Variants in KCNJ3 observed in about 807,000 individuals in gnomAD.
The protein encoded by KCNJ3 is G protein-activated inward rectifier potassium channel 1.
Under a neutral mutation model 39.2 loss-of-function variants are expected in KCNJ3, and 4 were observed. That is an observed-to-expected ratio of 0.10 (90% CI 0.05 to 0.23). KCNJ3 has a LOEUF of 0.23. KCNJ3 is among the 10% of genes least tolerant of loss of function. The pLI, the probability that KCNJ3 is intolerant of heterozygous loss-of-function variation, is 1.00. For synonymous variants in KCNJ3, 230 were observed against 237.4 expected, an observed-to-expected ratio of 0.97 and a Z score of 0.29; for missense variants, 276 against 634.9, an observed-to-expected ratio of 0.43 and a Z score of 6.08.
At chr2:154,812,959 G>A (rs547113153) in intron 2 of KCNJ3, among the ~76,000 whole-genome samples, 40 of 152,194 alleles carry the variant, frequency 2.6e-4, no homozygotes, top group South Asian at 6.2e-4. Flanking sequence ...ATATGTTAGT[G>A]TTTTACATTT....
In KCNJ3 at chr2:154,856,045, A is replaced by G. The variant is rs542804423; in HGVS notation, c.*732A>G. The stretch of plus-strand genomic sequence containing the variant: ...GTGCTATCTATGGCCCTGCAAAAAT[A>G]TAACCATTACATGTTTAAATTGTAA... On this transcript the variant is annotated 3_prime_UTR_variant, in exon 3 of 3. Transcript: ENST00000295101. The G allele has an allele frequency of 6.5e-6, 1 of 152,708 alleles. No individual in the cohort carries two copies. The highest frequency in any genetic ancestry group is 1.5e-5 in the Non-Finnish European group (1 of 67,988). The allele number at this position is 152,708 out of a possible 1,614,324, so 9.5% of individuals were successfully genotyped here. A position where few individuals can be genotyped will look rare whatever the true frequency, so the allele number is the denominator to read the frequency against.
chr2:154,756,782 A>T (rs1685944676), intron 2 of KCNJ3, among the ~76,000 whole-genome samples: 1 of 152,038 alleles, frequency 6.6e-6, no homozygotes, highest in African/African-American at 2.4e-5. Flanking sequence ...AAATAAAATA[A>T]AAATTTTGTG....
At chr2:154,816,157 A>G (rs1687079958) in intron 2 of KCNJ3, among the ~76,000 whole-genome samples, 1 of 152,208 alleles carries the variant, frequency 6.6e-6, no homozygotes, top group South Asian at 2.1e-4. Context: ...ACATTCTTAA[A>G]TACAAAGGAG....
At chr2:154,796,724 C>A (rs138340408) in intron 2 of KCNJ3, among the ~76,000 whole-genome samples, 1 of 152,134 alleles carries the variant, frequency 6.6e-6, no homozygotes, top group Non-Finnish European at 1.5e-5. Context: ...AGTAGACTAC[C>A]TAGAATACTA....
intron 2 of KCNJ3, among the ~76,000 whole-genome samples, chr2:154,844,156 A>T (rs970214877): frequency 9.9e-5 from 15 of 151,712 alleles, no homozygotes; most frequent in Middle Eastern, 6.8e-3. Flanking sequence ...GTTGATGTTG[A>T]TGCTATTCCT....
chr2:154,834,332 A>G (rs543666471), intron 2 of KCNJ3, among the ~76,000 whole-genome samples: 1 of 152,316 alleles, frequency 6.6e-6, no homozygotes, highest in Non-Finnish European at 1.5e-5. Context: ...CCATCTGTAT[A>G]TCTTCTTTGA....
intron 2 of KCNJ3, among the ~76,000 whole-genome samples, chr2:154,783,560 C>T (rs13424822): frequency 0.092 from 13,971 of 152,152 alleles, 1,067 homozygotes; most frequent in African/African-American, 0.2. Flanking sequence ...GTTCAAATCA[C>T]ATTTTAAGTG....
intron 2 of KCNJ3, among the ~76,000 whole-genome samples, chr2:154,790,047 A>G (rs991592304): frequency 6.6e-5 from 10 of 152,174 alleles, no homozygotes; most frequent in Admixed American, 6.6e-4. Context: ...AAGGAAAGTA[A>G]ATGATCCAAC....
At chr2:154,738,039 T>G (rs186459925) in intron 2 of KCNJ3, among the ~76,000 whole-genome samples, 1 of 152,300 alleles carries the variant, frequency 6.6e-6, no homozygotes, top group East Asian at 1.9e-4. Flanking sequence ...TCCATTCATC[T>G]GTTGATGGAC....
intron 2 of KCNJ3, among the ~76,000 whole-genome samples, chr2:154,822,863 G>A (rs1012046244): frequency 7.2e-5 from 11 of 151,800 alleles, no homozygotes; most frequent in South Asian, 6.2e-4. Flanking sequence ...AATTCTAAAT[G>A]CTTTTAGCTG....
chr2:154,813,822 G>A (rs979777450), intron 2 of KCNJ3, among the ~76,000 whole-genome samples: 18 of 152,170 alleles, frequency 1.2e-4, no homozygotes, highest in African/African-American at 2.2e-4. Context: ...GTTATAGGCC[G>A]TGATGATGTC....
intron 2 of KCNJ3, among the ~76,000 whole-genome samples, chr2:154,754,726 T>A (rs1304281231): frequency 6.6e-6 from 1 of 152,202 alleles, no homozygotes; most frequent in East Asian, 1.9e-4. Flanking sequence ...TTATATATAA[T>A]GTCCTTGTGA....
chr2:154,780,223 TATA>T (rs1444643143), intron 2 of KCNJ3, among the ~76,000 whole-genome samples: 3 of 152,158 alleles, frequency 2.0e-5, no homozygotes, highest in South Asian at 2.1e-4. Flanking sequence ...ACATTCTGGT[TATA>T]ATAAGTGTTT....
At chr2:154,830,648 A>G (rs1687346911) in intron 2 of KCNJ3, among the ~76,000 whole-genome samples, 2 of 152,174 alleles carry the variant, frequency 1.3e-5, no homozygotes, top group Admixed American at 6.6e-5. Context: ...TTGAGACTTG[A>G]GGTGACACTT....
At chr2:154,756,987 T>G (rs1311478584) in intron 2 of KCNJ3, among the ~76,000 whole-genome samples, 1 of 152,026 alleles carries the variant, frequency 6.6e-6, no homozygotes, top group African/African-American at 2.4e-5. Flanking sequence ...AATTCCTATA[T>G]TCTTCCAAGA....
chr2:154,824,649 T>C (rs1425188883), intron 2 of KCNJ3, among the ~76,000 whole-genome samples: 2 of 152,214 alleles, frequency 1.3e-5, no homozygotes, highest in Admixed American at 6.5e-5. Context: ...ATTTCTTGTA[T>C]TGAGAAACAT....
intron 2 of KCNJ3, among the ~76,000 whole-genome samples, chr2:154,756,155 A>C (rs910660671): frequency 2.6e-5 from 4 of 152,170 alleles, no homozygotes; most frequent in African/African-American, 9.7e-5. Context: ...TCCGTCTTAC[A>C]GTCTTCATTT....
intron 1 of KCNJ3, among the ~76,000 whole-genome samples, chr2:154,708,215 G>A (rs1685046263): frequency 1.3e-5 from 2 of 152,030 alleles, no homozygotes. Context: ...ATTTCTAACT[G>A]CAAAGTAGCC....
intron 2 of KCNJ3, among the ~76,000 whole-genome samples, chr2:154,812,115 G>C (rs1297283981): frequency 6.6e-6 from 1 of 152,118 alleles, no homozygotes; most frequent in African/African-American, 2.4e-5. Flanking sequence ...CATTTTAAGA[G>C]CATTGCAAAA....
Sources: allele counts gnomAD v4.1 joint callset (sites outside exome capture counted in the v4.1 genomes callset), GRCh38; gene constraint gnomAD v4.1.1; transcripts MANE v1.5; gene names NCBI Gene and HGNC (gene_info 2026-07-23, HGNC 2026-07-21).